Variants in RGS6 observed in about 807,000 individuals in gnomAD.
RGS6 encodes regulator of G-protein signaling 6.
RGS6 carries 30 observed loss-of-function variants against 78.5 expected under a neutral mutation model. The observed-to-expected ratio is 0.38, with a 90% CI of 0.29 to 0.52. The LOEUF (loss-of-function observed/expected upper bound fraction) is 0.52, where lower values mean the gene tolerates loss of function less well. Ranked by LOEUF, RGS6 falls within the 20% of genes least tolerant of loss-of-function variation. The probability of loss-of-function intolerance (pLI) is 0.85; values close to 1 mark genes in which losing one functional copy is unlikely to be tolerated. For missense variants in RGS6, 495 were observed against 609.7 expected, an observed-to-expected ratio of 0.81 and a Z score of 1.98; for synonymous variants, 206 against 206.0, an observed-to-expected ratio of 1.00 and a Z score of 0.00.
At chr14:72,193,499 G>A (rs1194680553) in intron 2 of RGS6, among the ~76,000 whole-genome samples, 8 of 152,138 alleles carry the variant, frequency 5.3e-5, no homozygotes, top group East Asian at 1.9e-4. Context: ...AGTGTGTGCC[G>A]GGTACTTCTG....
At chr14:72,480,028 GT>G (rs762896632) in intron 12 of RGS6, among the ~76,000 whole-genome samples, 1 of 152,156 alleles carries the variant, frequency 6.6e-6, no homozygotes, top group Non-Finnish European at 1.5e-5. Context: ...AGGTCCAGTG[GT>G]TCTAAGTACC....
rs554561656 is a variant in RGS6 at position 72,445,694 on chromosome 14, G to A, written c.185-8834G>A. Among the ~76,000 whole-genome samples the A allele has an allele frequency of 8.5e-5, 13 of 152,300 alleles. No individual in the cohort carries two copies. The East Asian group carries it at 1.2e-3, about 14-fold the overall frequency. ...TGTGTATTTGAATACAACTATCAACGAATAAGCATTCATTAGACCCCAACT... is the reference window on the plus strand; with the variant it reads ...TGTGTATTTGAATACAACTATCAACAAATAAGCATTCATTAGACCCCAACT... On this transcript the variant is annotated intron_variant, in intron 3 of 17. Coordinates refer to ENST00000553525, the MANE Select transcript of RGS6 (RefSeq NM_001204424.2).
At chr14:72,465,622 G>GTGGGTGGA (rs1555416950) in intron 6 of RGS6, 136 bp from the exon 7 acceptor site, 4 of 355,536 alleles carry the variant, frequency 1.1e-5, no homozygotes, top group African/African-American at 5.2e-5. Flanking sequence ...GGGTGGATGG[G>GTGGGTGGA]TGGATGGATG....
At chr14:72,350,760 C>A (rs1032269074) in intron 2 of RGS6, among the ~76,000 whole-genome samples, 24 of 152,166 alleles carry the variant, frequency 1.6e-4, no homozygotes, top group African/African-American at 5.3e-4. Flanking sequence ...ACTTAATCCA[C>A]CCTACCCTGA....
intron 2 of RGS6, 95 bp from the exon 3 acceptor site, chr14:72,352,000 A>G: frequency 1.2e-6 from 1 of 835,052 alleles, no homozygotes; most frequent in South Asian, 1.8e-5. Context: ...TCTATTGTTG[A>G]CATCCATGTT....
At chr14:72,060,193 A>G (rs898981541) in intron 2 of RGS6, among the ~76,000 whole-genome samples, 1 of 152,172 alleles carries the variant, frequency 6.6e-6, no homozygotes, top group Non-Finnish European at 1.5e-5. Context: ...CATATGAATC[A>G]AGAGCTGGTA....
chr14:72,034,055 C>T (rs976714803), intron 2 of RGS6, among the ~76,000 whole-genome samples: 1 of 152,114 alleles, frequency 6.6e-6, no homozygotes, highest in African/African-American at 2.4e-5. Context: ...TATAGTATAT[C>T]TTCTTTACAT....
intron 10 of RGS6, among the ~76,000 whole-genome samples, 171 bp downstream of exon 10, chr14:72,474,870 G>A (rs1375909115): frequency 2.6e-5 from 4 of 152,212 alleles, no homozygotes; most frequent in African/African-American, 4.8e-5. Context: ...CGCTGTGCTC[G>A]TGCTAGGATA....
At chr14:72,257,411 G>C (rs1466103398) in intron 2 of RGS6, among the ~76,000 whole-genome samples, 1 of 152,264 alleles carries the variant, frequency 6.6e-6, no homozygotes, top group East Asian at 1.9e-4. Flanking sequence ...CTTCATTGCA[G>C]TCGTTTATCA....
chr14:72,414,543 A>G (rs928595079), intron 3 of RGS6, among the ~76,000 whole-genome samples: 3 of 152,114 alleles, frequency 2.0e-5, no homozygotes, highest in Non-Finnish European at 4.4e-5. Context: ...TGATCTTCTG[A>G]AGCCTCCTTC....
chr14:72,151,668 T>A (rs1165990083), intron 2 of RGS6, among the ~76,000 whole-genome samples: 1 of 152,164 alleles, frequency 6.6e-6, no homozygotes, highest in African/African-American at 2.4e-5. Context: ...AGAGTGGGTC[T>A]GTTCTGGAGT....
intron 3 of RGS6, among the ~76,000 whole-genome samples, chr14:72,378,287 C>T (rs2085250945): frequency 6.6e-6 from 1 of 151,998 alleles, no homozygotes; most frequent in Admixed American, 6.6e-5. Context: ...ACTTGAGATG[C>T]ATCTCCAGAA....
chr14:72,178,447 T>C (rs1333260511), intron 2 of RGS6, among the ~76,000 whole-genome samples: 1 of 152,250 alleles, frequency 6.6e-6, no homozygotes, highest in Admixed American at 6.5e-5. Flanking sequence ...TAGGCCTCCT[T>C]GAGTTCCAGT....
At chr14:72,607,910 A>T in the RGS6 span, among the ~76,000 whole-genome samples, 2 of 152,246 alleles carry the variant, frequency 1.3e-5, no homozygotes, top group Admixed American at 1.3e-4. Flanking sequence ...CATTATGCTT[A>T]GAAAAGCAAA....
At chr14:72,347,327 C>G (rs1223136821) in intron 2 of RGS6, among the ~76,000 whole-genome samples, 1 of 152,196 alleles carries the variant, frequency 6.6e-6, no homozygotes, top group African/African-American at 2.4e-5. Flanking sequence ...TCTAACCAAT[C>G]CCATGGGACA....
intron 2 of RGS6, among the ~76,000 whole-genome samples, chr14:72,318,914 T>G (rs1284180786): frequency 6.6e-6 from 1 of 152,196 alleles, no homozygotes; most frequent in Non-Finnish European, 1.5e-5. Context: ...AAGCAGTGGC[T>G]AAAATAACTC....
At chr14:72,420,216 C>T (rs1047684105) in intron 3 of RGS6, among the ~76,000 whole-genome samples, 2 of 152,220 alleles carry the variant, frequency 1.3e-5, no homozygotes, top group African/African-American at 2.4e-5. Context: ...AAGGGTCTCA[C>T]AATGCCAGGA....
intron 3 of RGS6, among the ~76,000 whole-genome samples, chr14:72,426,309 T>C (rs1033902938): frequency 2.6e-5 from 4 of 152,266 alleles, no homozygotes; most frequent in Non-Finnish European, 5.9e-5. Flanking sequence ...ACATAATTAA[T>C]AAAGAGTAAG....
At chr14:72,611,852 G>A in the RGS6 span, among the ~76,000 whole-genome samples, 1 of 152,070 alleles carries the variant, frequency 6.6e-6, no homozygotes, top group South Asian at 2.1e-4. Context: ...GTCTTCTACT[G>A]AGGAACACGC....
Sources: gnomAD v4.1 joint callset for allele counts (sites outside exome capture counted in the v4.1 genomes callset) on GRCh38, gnomAD v4.1.1 for gene constraint, MANE v1.5 for transcripts, NCBI Gene and HGNC (gene_info 2026-07-23, HGNC 2026-07-21) for gene names.